Variants in TDRD9 observed in about 807,000 individuals in gnomAD.
TDRD9 encodes the protein ATP-dependent RNA helicase TDRD9.
In TDRD9, 124 loss-of-function variants were observed where a neutral mutation model predicts 172.6. That is an observed-to-expected ratio of 0.72 (90% confidence interval 0.62 to 0.83). The LOEUF (loss-of-function observed/expected upper bound fraction) is 0.83, where lower values mean the gene tolerates loss of function less well. TDRD9 is among the 40% of genes least tolerant of loss of function. TDRD9 has a pLI of 0.00. For missense variants in TDRD9, 1,479 were observed against 1,714.1 expected (o/e 0.86, Z 2.42); for synonymous variants, 619 against 617.1 (o/e 1.00, Z -0.05).
intron 30 of TDRD9, among the ~76,000 whole-genome samples, chr14:104,033,546 C>T (rs997413262): frequency 3.3e-5 from 5 of 152,162 alleles, no homozygotes; most frequent in East Asian, 1.9e-4. Flanking sequence ...GGGGCTGCAG[C>T]AGGCTTCTGC....
rs56279366 is a variant in TDRD9, at chr14:103,980,715, G to T, written c.1011+5162G>T. 1.3e-5 allele frequency among the ~76,000 whole-genome samples: 2 copies of T among 152,170 alleles called. No homozygotes were observed. Among genetic ancestry groups the T allele is most frequent in the South Asian group, 4.2e-4 (2 of 4,810 alleles). ...TCCCTTTCCCGGTCTGCTGAGTAGC[G>T]GGTGTTTTTCCTTGACACTGACGCT... On this transcript the variant is annotated intron_variant, in intron 7 of 35. Transcript: ENST00000409874. This position sits in a 1 kb window ranked among gnomAD's most constrained non-coding sequence, Gnocchi z 4.5.
chr14:103,999,655 GA>G (rs1178074049), intron 13 of TDRD9, among the ~76,000 whole-genome samples: 38 of 114,506 alleles, frequency 3.3e-4, no homozygotes, highest in South Asian at 1.1e-3. Context: ...AACCTTTTGG[GA>G]AGGGTAGATA....
chr14:104,026,211 G>A, intron 27 of TDRD9, 75 bp downstream of exon 27: 1 of 1,045,306 alleles, frequency 9.6e-7, no homozygotes, highest in Non-Finnish European at 1.5e-6. Flanking sequence ...TGGGTCATAT[G>A]GTGCCCTGCC....
chr14:104,026,282 G>A (rs375300418), intron 27 of TDRD9, 146 bp downstream of exon 27: 530 of 616,110 alleles, frequency 8.6e-4, no homozygotes, highest in Non-Finnish European at 1.4e-3. Flanking sequence ...TGTCACAATA[G>A]CCAAATTTGG....
Position 103,996,735 on chromosome 14 carries a change from A to G in TDRD9, c.1378+928A>G, listed in dbSNP as rs181394441. On this transcript the variant is annotated intron_variant, in intron 12 of 35. Coordinates refer to ENST00000409874, the MANE Select transcript of TDRD9 (RefSeq NM_153046.3). ...GACAAAAAGCCTTTGTTCTCATGACACATTCGGGGTGGGTAGATAAGTACA... is the reference window on the plus strand; with the variant it reads ...GACAAAAAGCCTTTGTTCTCATGACGCATTCGGGGTGGGTAGATAAGTACA... Among the ~76,000 whole-genome samples, 4 of 152,322 alleles carry G rather than the reference A, an allele frequency of 2.6e-5. No homozygotes were observed. The East Asian group carries it at 7.7e-4, about 29-fold the overall frequency.
chr14:104,026,905 A>G lies in TDRD9; in HGVS notation c.3248A>G (p.Tyr1083Cys). ...AGAGACGTCCTCATCCAGCAGGGCTATGCCGAGCTCACGGAGGAGTCCTAC... is the reference window on the plus strand; with the variant it reads ...AGAGACGTCCTCATCCAGCAGGGCTGTGCCGAGCTCACGGAGGAGTCCTAC... ...NIRDVLIQQG[Y>C]AELTEESYES... is the part of the protein sequence containing the mutation. Residue 1083 changes from tyrosine (Y) to cysteine (C), a missense_variant, in exon 28 of 36, where the codon TAT becomes TGT. Physicochemically the swap from Tyr to Cys is radical, Grantham distance 194. Around this residue, in one of 3 missense-constraint regions of TDRD9, gnomAD observed 1,413 missense variants for 1,649.1 expected, o/e 0.86. Transcript: ENST00000409874. The G allele has an allele frequency of 1.9e-6, 3 of 1,613,950 alleles. No homozygotes were observed. Among genetic ancestry groups the G allele is most frequent in the Non-Finnish European group, 2.5e-6 (3 of 1,179,826 alleles).
At chr14:103,961,946 C>A (rs144128092) in intron 2 of TDRD9, among the ~76,000 whole-genome samples, 1 of 152,042 alleles carries the variant, frequency 6.6e-6, no homozygotes, top group Non-Finnish European at 1.5e-5. Context: ...GAAGGTGAGT[C>A]GTGGGGTAAG....
chr14:104,046,715 G>A (rs1414373758), intron 34 of TDRD9, among the ~76,000 whole-genome samples: 5 of 151,268 alleles, frequency 3.3e-5, no homozygotes, highest in African/African-American at 9.7e-5. Flanking sequence ...GCGTGATCTC[G>A]GCTCACTGCA....
chr14:103,939,743 G>GTTGTTTTTTTTTT (rs2031078380), intron 1 of TDRD9: 1 of 17,448 alleles, frequency 5.7e-5, no homozygotes, highest in Non-Finnish European at 1.2e-4. Context: ...GAAAAAAAGT[G>GTTGTTTTTTTTTT]TTTTTTTTTT....
chr14:104,021,263 G>A (rs946654999), intron 23 of TDRD9, among the ~76,000 whole-genome samples: 4 of 152,046 alleles, frequency 2.6e-5, no homozygotes, highest in Admixed American at 2.0e-4. Flanking sequence ...CTCACAATCC[G>A]GTCACCTCCC....
chr14:103,935,782 C>T (rs1442572182), intron 1 of TDRD9, among the ~76,000 whole-genome samples: 1 of 152,150 alleles, frequency 6.6e-6, no homozygotes. Flanking sequence ...CTTTAATCAA[C>T]AGCTTGCTTA....
intron 22 of TDRD9, among the ~76,000 whole-genome samples, chr14:104,016,489 C>G (rs2034796595): frequency 6.6e-6 from 1 of 152,200 alleles, no homozygotes; most frequent in African/African-American, 2.4e-5. Context: ...ACCCCCCGAC[C>G]TGGATGCCCA....
chr14:103,953,200 C>T (rs971836568), intron 1 of TDRD9, among the ~76,000 whole-genome samples: 1 of 152,178 alleles, frequency 6.6e-6, no homozygotes, highest in Non-Finnish European at 1.5e-5. Context: ...TTTATAATTA[C>T]TCCCAGCTCC....
intron 1 of TDRD9, among the ~76,000 whole-genome samples, chr14:103,947,283 A>G (rs1190049396): frequency 2.0e-5 from 3 of 151,758 alleles, no homozygotes; most frequent in Admixed American, 6.6e-5. Context: ...GGAAAAGGAC[A>G]GTTTGTTTTT....
At chr14:104,007,636 A>G (rs368084933) in intron 19 of TDRD9, among the ~76,000 whole-genome samples, 1 of 127,026 alleles carries the variant, frequency 7.9e-6, no homozygotes, top group Non-Finnish European at 1.7e-5. Flanking sequence ...CCTCCATTTT[A>G]TTGTTTTTTT....
chr14:103,971,597 C>G, intron 6 of TDRD9, among the ~76,000 whole-genome samples: 1 of 152,108 alleles, frequency 6.6e-6, no homozygotes, highest in East Asian at 1.9e-4. Context: ...AGCCACTGCA[C>G]TTGGCCGGGC....
At chr14:103,953,806 C>T (rs1259616032) in intron 1 of TDRD9, among the ~76,000 whole-genome samples, 1 of 152,086 alleles carries the variant, frequency 6.6e-6, no homozygotes, top group Non-Finnish European at 1.5e-5. Flanking sequence ...GAGTATTTAC[C>T]CTTCCTTATC....
At position 104,014,828 on chromosome 14, in the gene TDRD9, G is replaced by A. The variant is rs764347895; in HGVS notation, c.2210G>A (p.Arg737Gln). The A allele has an allele frequency of 1.1e-5, 18 of 1,598,000 alleles. No homozygotes were observed. Among genetic ancestry groups the A allele is most frequent in the African/African-American group, 6.7e-5 (5 of 74,482 alleles). ...VMDQEYIYKQ[R>Q]FILQVVLAGA... The stretch of plus-strand genomic sequence containing the variant: ...GACCAAGAGTATATATATAAGCAGC[G>A]ATTCATCCTACAGGTGTGCTGAAGT... The change falls in exon 21 of 36, where the codon CGA (arginine) becomes CAA (glutamine). Residue 737 changes from arginine (R) to glutamine (Q), a missense_variant. By Grantham distance (43) the Arg-to-Gln change is conservative. Coordinates refer to ENST00000409874, the MANE Select transcript of TDRD9 (RefSeq NM_153046.3).
chr14:103,943,418 C>T (rs2031369159), intron 1 of TDRD9, among the ~76,000 whole-genome samples: 2 of 150,200 alleles, frequency 1.3e-5, no homozygotes, highest in Admixed American at 6.7e-5. Flanking sequence ...TATATATACA[C>T]ATAAGTATAT....
Sources: gnomAD v4.1 joint callset for allele counts (sites outside exome capture counted in the v4.1 genomes callset) on GRCh38, gnomAD v4.1.1 for gene constraint, gnomAD v4.1.1 regional missense constraint, Gnocchi (gnomAD v3.1) non-coding constraint, MANE v1.5 for transcripts, NCBI Gene and HGNC (gene_info 2026-07-23, HGNC 2026-07-21) for gene names.